Variants in VAV3 observed in about 807,000 individuals in gnomAD.
VAV3 encodes guanine nucleotide exchange factor VAV3.
In VAV3, 94 loss-of-function variants were observed where a neutral mutation model predicts 131.2. The ratio of observed to expected loss-of-function variants is 0.72; its 90% CI spans 0.61 to 0.85. VAV3 has a LOEUF of 0.85. VAV3 is among the 40% of genes least tolerant of loss of function. VAV3 has a pLI of 0.00. For missense variants in VAV3, 939 were observed against 1,002.7 expected (o/e 0.94, Z 0.86); for synonymous variants, 349 against 342.0 (o/e 1.02, Z -0.22).
intron 2 of VAV3, among the ~76,000 whole-genome samples, chr1:107,846,233 C>A (rs572017830): frequency 3.9e-5 from 6 of 152,150 alleles, no homozygotes; most frequent in Non-Finnish European, 7.4e-5. Flanking sequence ...AAATCCTTTA[C>A]AAACAAGCAA....
At position 107,754,984 on chromosome 1, in the gene VAV3, C is replaced by CT. The variant is rs200230420; in HGVS notation, c.1173+442dup. Among the ~76,000 whole-genome samples the CT allele has an allele frequency of 3.3e-4, 49 of 149,536 alleles. No homozygotes were observed. In the East Asian group the frequency reaches 5.1e-3, roughly 15 times the overall value. On this transcript the variant is annotated intron_variant, in intron 12 of 26. Coordinates refer to ENST00000370056, the MANE Select transcript of VAV3 (RefSeq NM_006113.5). Reference sequence around the variant, plus strand: ...TAATCTCAATATGGCATTTTTAACTCTTTTTTTTTTAAACTGTCTCCTCAA... The same window carrying CT: ...TAATCTCAATATGGCATTTTTAACTCTTTTTTTTTTTAAACTGTCTCCTCAA...
chr1:107,578,694 C>G (rs1276161959), intron 25 of VAV3: 1 of 805,184 alleles, frequency 1.2e-6, no homozygotes, highest in Non-Finnish European at 1.5e-6. Context: ...CTGCAAGCTC[C>G]GCCTCCCGGG....
At chr1:107,664,437 G>A (rs72975659) in intron 19 of VAV3, among the ~76,000 whole-genome samples, 99 of 151,960 alleles carry the variant, frequency 6.5e-4, no homozygotes, top group African/African-American at 2.3e-3. Context: ...ACTTATAAGT[G>A]AGAACTACAG....
rs17019913 is a variant in VAV3 at position 107,761,936 on chromosome 1, G to C, written c.922-1057C>G. On this transcript the variant is annotated intron_variant, in intron 9 of 26. Coordinates refer to ENST00000370056, the MANE Select transcript of VAV3 (RefSeq NM_006113.5). Reference sequence around the variant, plus strand: ...TAATTTCACCCTCTTCTTTCCTAAAGGTTTATTTTAAAATAGTATTGACTG... The same window carrying C: ...TAATTTCACCCTCTTCTTTCCTAAACGTTTATTTTAAAATAGTATTGACTG... 7.5e-3 allele frequency among the ~76,000 whole-genome samples: 1,148 copies of C among 152,060 alleles called. 10 individuals carry two copies. Among genetic ancestry groups the C allele is most frequent in the African/African-American group, 0.012 (496 of 41,494 alleles).
chr1:107,681,570 C>T (rs1007312678), intron 19 of VAV3, among the ~76,000 whole-genome samples: 1 of 151,886 alleles, frequency 6.6e-6, no homozygotes, highest in Non-Finnish European at 1.5e-5. Flanking sequence ...CAGGCAAGAT[C>T]ATCAAGTGTT....
At chr1:107,614,146 C>T (rs1013978950) in intron 21 of VAV3, among the ~76,000 whole-genome samples, 3 of 151,976 alleles carry the variant, frequency 2.0e-5, no homozygotes, top group Non-Finnish European at 4.4e-5. Context: ...CTCCTGGAAT[C>T]GGGGATATAC....
chr1:107,734,523 C>T (rs1359077860), intron 15 of VAV3, among the ~76,000 whole-genome samples: 1 of 151,984 alleles, frequency 6.6e-6, no homozygotes, highest in Non-Finnish European at 1.5e-5. Flanking sequence ...GATCTACCAA[C>T]CAGATGGAAA....
chr1:107,785,702 AGTGCTGG>A (rs1665942370), intron 2 of VAV3: 2 of 1,049,404 alleles, frequency 1.9e-6, no homozygotes, highest in Admixed American at 5.9e-5. Context: ...TGTGGGCATG[AGTGCTGG>A]GTGGAGAAAT....
chr1:107,591,822 A>G (rs1474625711), intron 25 of VAV3, among the ~76,000 whole-genome samples: 1 of 152,100 alleles, frequency 6.6e-6, no homozygotes, highest in Non-Finnish European at 1.5e-5. Flanking sequence ...AATGCCCCTT[A>G]TTGCTAAATA....
intron 15 of VAV3, among the ~76,000 whole-genome samples, chr1:107,719,784 C>T (rs1049807712): frequency 6.6e-6 from 1 of 152,172 alleles, no homozygotes; most frequent in Non-Finnish European, 1.5e-5. Flanking sequence ...GCACTATTCA[C>T]AACAGCAAAG....
chr1:107,749,861 T>C (rs1270225795), intron 13 of VAV3, among the ~76,000 whole-genome samples: 1 of 152,162 alleles, frequency 6.6e-6, no homozygotes, highest in Non-Finnish European at 1.5e-5. Flanking sequence ...ACTGCAGAGT[T>C]GTTGAAAGGG....
intron 24 of VAV3, among the ~76,000 whole-genome samples, chr1:107,598,689 G>A (rs1416803259): frequency 6.6e-6 from 1 of 152,076 alleles, no homozygotes; most frequent in Non-Finnish European, 1.5e-5. Context: ...GTATTTTGGT[G>A]AATTTTAACA....
intron 7 of VAV3, among the ~76,000 whole-genome samples, chr1:107,767,409 T>A (rs1664795394): frequency 6.6e-6 from 1 of 152,194 alleles, no homozygotes; most frequent in African/African-American, 2.4e-5. Flanking sequence ...GTGTAGAAAG[T>A]AAACATGAAG....
At chr1:107,864,724 T>C (rs756434797) in intron 2 of VAV3, among the ~76,000 whole-genome samples, 1 of 152,232 alleles carries the variant, frequency 6.6e-6, no homozygotes, top group Non-Finnish European at 1.5e-5. Flanking sequence ...CTGTCTAAAG[T>C]GGCTTCCTCC....
rs1030160704 is a variant in VAV3, at chr1:107,814,178, C to T, written c.322-34686G>A. ...CTTTGAATAAATACCCAGTCAGTAG[C>T]GAAAACTGCTGGATCACACAATAGT... On this transcript the variant is annotated intron_variant, in intron 2 of 26. Coordinates refer to ENST00000370056, the MANE Select transcript of VAV3 (RefSeq NM_006113.5). 4.6e-5 allele frequency among the ~76,000 whole-genome samples: 7 copies of T among 151,992 alleles called. 1 individual carries two copies. Among genetic ancestry groups the T allele is most frequent in the African/African-American group, 1.2e-4 (5 of 41,366 alleles).
chr1:107,702,032 A>AC (rs1660163618), intron 17 of VAV3, among the ~76,000 whole-genome samples: 1 of 151,926 alleles, frequency 6.6e-6, no homozygotes, highest in African/African-American at 2.4e-5. Context: ...AGTGCCCCCC[A>AC]CTCTGGGTAC....
chr1:107,687,687 C>T (rs982644254), intron 18 of VAV3, among the ~76,000 whole-genome samples: 2 of 152,154 alleles, frequency 1.3e-5, no homozygotes, highest in Non-Finnish European at 2.9e-5. Flanking sequence ...ATATAAACAA[C>T]ATCAAACAAC....
chr1:107,852,156 C>T (rs560867636), intron 2 of VAV3, among the ~76,000 whole-genome samples: 2 of 152,154 alleles, frequency 1.3e-5, no homozygotes, highest in South Asian at 2.1e-4. Flanking sequence ...TAAGACTGTA[C>T]CTATACCTTT....
intron 2 of VAV3, among the ~76,000 whole-genome samples, chr1:107,863,795 T>C (rs1357106882): frequency 6.6e-6 from 1 of 152,196 alleles, no homozygotes; most frequent in African/African-American, 2.4e-5. Context: ...TATAGAGGAA[T>C]CCTTGAAACA....
Sources: gnomAD v4.1 joint callset for allele counts (sites outside exome capture counted in the v4.1 genomes callset) on GRCh38, gnomAD v4.1.1 for gene constraint, MANE v1.5 for transcripts, NCBI Gene and HGNC (gene_info 2026-07-23, HGNC 2026-07-21) for gene names.